SLC34A1: variants seen among roughly 807,000 people sequenced by gnomAD.
SLC34A1 encodes sodium-dependent phosphate transport protein 2A.
A neutral mutation model predicts 51.4 loss-of-function variants in SLC34A1; 57 were observed. The ratio of observed to expected loss-of-function variants is 1.11; its 90% confidence interval spans 0.90 to 1.38. The LOEUF (loss-of-function observed/expected upper bound fraction) is 1.38. Ranked by LOEUF, SLC34A1 falls within the 40% of genes most tolerant of loss-of-function variation. The pLI is 0.00. For missense variants in SLC34A1, 796 were observed against 835.6 expected (o/e 0.95, Z 0.58); for synonymous variants, 368 against 358.0 (o/e 1.03, Z -0.32).
rs1231779843 is a variant in SLC34A1 at position 177,386,178 on chromosome 5, G to A, written c.259+42G>A. On this transcript the variant is annotated intron_variant, in intron 3 of 12. Coordinates refer to ENST00000324417, the MANE Select transcript of SLC34A1 (RefSeq NM_003052.5). The surrounding 1 kb of genome is among the most constrained non-coding windows in gnomAD (Gnocchi z 4.8). ...GGTGGCAGAGGCGGCAGCAGTCCCT[G>A]CCCTGGCCTCTGCCCACTATGCTCA... 6.2e-7 allele frequency: 1 copy of A among 1,613,952 alleles called. No homozygotes were observed. The highest frequency in any genetic ancestry group is 8.5e-7 in the Non-Finnish European group (1 of 1,180,002).
Position 177,393,899 on chromosome 5 carries a change from G to A in SLC34A1, c.1007-129G>A. On this transcript the variant is annotated intron_variant, in intron 9 of 12. Coordinates refer to ENST00000324417, the MANE Select transcript of SLC34A1 (RefSeq NM_003052.5). ...CAACTAGCCCAGCTCCTGAGCCTGGGTCAAGCTCCGGTGTTGAGGCTCAAG... is the reference window on the plus strand; with the variant it reads ...CAACTAGCCCAGCTCCTGAGCCTGGATCAAGCTCCGGTGTTGAGGCTCAAG... 4 of 1,488,890 alleles carry A rather than the reference G, an allele frequency of 2.7e-6. No homozygotes were observed. In the South Asian group the frequency reaches 3.4e-5, roughly 13 times the overall value. 92.2% of individuals were successfully genotyped at this position (1,488,890 alleles called of 1,614,324 possible).
At chr5:177,389,781 C>G in intron 8 of SLC34A1, 1 of 1,536,292 alleles carries the variant, frequency 6.5e-7, no homozygotes, top group Non-Finnish European at 8.7e-7. Context: ...GCAGCCTCCA[C>G]GTCCTCACTT....
rs1253513636 is a variant in SLC34A1 at position 177,386,874 on chromosome 5, C to T, written c.532+308C>T. On this transcript the variant is annotated intron_variant, in intron 5 of 12. Coordinates refer to ENST00000324417, the MANE Select transcript of SLC34A1 (RefSeq NM_003052.5). This position sits in a 1 kb window ranked among gnomAD's most constrained non-coding sequence, Gnocchi z 4.8. ...CAGTCCAGACAGGGCAGCGTTTCTC[C>T]TTTCTCAGGGAAGCCTCAGTTCTGC... 6.6e-6 allele frequency among the ~76,000 whole-genome samples: 1 copy of T among 152,076 alleles called. No individual in the cohort carries two copies. Among genetic ancestry groups the T allele is most frequent in the Non-Finnish European group, 1.5e-5 (1 of 68,022 alleles).
Position 177,396,542 on chromosome 5 carries a change from GCTCTCCCAGTGCCCCCGCGGAGGTCCT to G in SLC34A1, c.1175-141_1175-115del, listed in dbSNP as rs1561634668. 5.9e-3 allele frequency among the ~76,000 whole-genome samples: 591 copies of G among 100,818 alleles called. 14 individuals carry two copies. The highest frequency in any genetic ancestry group is 0.019 in the African/African-American group (494 of 25,382). 66.1% of individuals were successfully genotyped at this position (100,818 alleles called of 152,430 possible). On this transcript the variant is annotated intron_variant, in intron 10 of 12. Transcript: ENST00000324417. The surrounding 1 kb of genome is among the most constrained non-coding windows in gnomAD (Gnocchi z 4.0). ...TCTCCCAGTGCCCCCGCGGAGGTCC[GCTCTCCCAGTGCCCCCGCGGAGGTCCT>G]CTCTCCCAGTGCCCCCGCGGAGGTC...
intron 12 of SLC34A1, chr5:177,397,313 C>CACTGCAA (rs1763003423): frequency 1.8e-6 from 1 of 562,060 alleles, no homozygotes; most frequent in Non-Finnish European, 3.2e-6. Flanking sequence ...GGATTTGCAC[C>CACTGCAA]ATAAGGAAGA....
At position 177,397,806 on chromosome 5, in the gene SLC34A1, C is replaced by G; in HGVS notation, c.1440C>G (p.Phe480Leu). 1 of 1,611,884 alleles carries G rather than the reference C, an allele frequency of 6.2e-7. No homozygotes were observed. Among genetic ancestry groups the G allele is most frequent in the Non-Finnish European group, 8.5e-7 (1 of 1,179,994 alleles). The change falls in exon 13 of 13, where the codon TTC (phenylalanine) becomes TTG (leucine). Residue 480 changes from phenylalanine (F) to leucine (L), a missense_variant. Phe to Leu is a conservative substitution (Grantham distance 22). Transcript: ENST00000324417. ...AGATTGCCCTCTGTCACTTCTTCTT[C>G]AACATCTCGGGTATCCTTCTGTGGT... ...AFQIALCHFF[F>L]NISGILLWYP...
In SLC34A1 at chr5:177,386,199, G is replaced by C; in HGVS notation, c.260-22G>C. 1 of 1,614,118 alleles carries C rather than the reference G, an allele frequency of 6.2e-7. No homozygotes were observed. Among genetic ancestry groups the C allele is most frequent in the Non-Finnish European group, 8.5e-7 (1 of 1,180,026 alleles). Reference sequence around the variant, plus strand: ...CCCTGCCCTGGCCTCTGCCCACTATGCTCATGGCTTCCCCCATCCAGAGTC... The same window carrying C: ...CCCTGCCCTGGCCTCTGCCCACTATCCTCATGGCTTCCCCCATCCAGAGTC... On this transcript the variant is annotated intron_variant, in intron 3 of 12. Transcript: ENST00000324417. This position sits in a 1 kb window ranked among gnomAD's most constrained non-coding sequence, Gnocchi z 4.8.
In SLC34A1 at chr5:177,390,245, C is replaced by T. The variant is rs371939742; in HGVS notation, c.936+1873C>T. 1.5e-5 allele frequency: 15 copies of T among 991,112 alleles called. No individual in the cohort carries two copies. The East Asian group carries it at 1.0e-3, about 66-fold the overall frequency. 61.4% of individuals were successfully genotyped at this position (991,112 alleles called of 1,614,324 possible). The stretch of plus-strand genomic sequence containing the variant: ...TCCAAGGCCTACCAGATGGGGAAAG[C>T]AGCAGCAGCGGCAGTTGAGTGATCA... On this transcript the variant is annotated intron_variant, in intron 8 of 12. Coordinates refer to ENST00000324417, the MANE Select transcript of SLC34A1 (RefSeq NM_003052.5).
At chr5:177,397,687 A>T in intron 12 of SLC34A1, 96 bp from the exon 13 acceptor site, 1 of 1,539,938 alleles carries the variant, frequency 6.5e-7, no homozygotes, top group South Asian at 1.1e-5. Flanking sequence ...CCTGCTGCCC[A>T]GACCAGATCG....
rs201526364 is a variant in SLC34A1, at chr5:177,388,163, G to A, written c.814G>A (p.Glu272Lys). ...TCCTGACCTGCTCAAGATCATCACAGAGCCCTTCACGAAGCTCATCATCCA... is the reference window on the plus strand; with the variant it reads ...TCCTGACCTGCTCAAGATCATCACAAAGCCCTTCACGAAGCTCATCATCCA... ...DAPDLLKIIT[E>K]PFTKLIIQLD... is the part of the protein sequence containing the mutation. The change falls in exon 7 of 13, where the codon GAG (glutamate) becomes AAG (lysine). Residue 272 changes from glutamate to lysine, a missense_variant. By Grantham distance (56) the Glu-to-Lys change is moderately conservative. Coordinates refer to ENST00000324417, the MANE Select transcript of SLC34A1 (RefSeq NM_003052.5). This position sits in a 1 kb window ranked among gnomAD's most constrained non-coding sequence, Gnocchi z 4.3. 1.2e-5 allele frequency: 20 copies of A among 1,614,042 alleles called. No homozygotes were observed. The highest frequency in any genetic ancestry group is 1.7e-5 in the Admixed American group (1 of 59,998).
intron 8 of SLC34A1, among the ~76,000 whole-genome samples, chr5:177,392,673 G>A (rs1011933545): frequency 2.0e-5 from 3 of 152,198 alleles, no homozygotes; most frequent in African/African-American, 7.2e-5. Flanking sequence ...ACTCAAGCTG[G>A]AGTGCAGGGG....
Position 177,397,055 on chromosome 5 carries a change from A to G in SLC34A1, c.1397A>G (p.Lys466Arg), listed in dbSNP as rs1398447031. 6.2e-7 allele frequency: 1 copy of G among 1,613,602 alleles called. No individual in the cohort carries two copies. Among genetic ancestry groups the G allele is most frequent in the East Asian group, 2.2e-5 (1 of 44,876 alleles). ...GCTGCCCTGGCCAGCCCCAGGGAGA[A>G]GCTGTCCAGCGCTTTCCAGGTGCGC... ...ILAALASPRE[K>R]LSSAFQIALC... Residue 466 changes from lysine (K) to arginine (R), a missense_variant, in exon 12 of 13, where the codon AAG becomes AGG. Transcript: ENST00000324417.
rs888356153 is a variant in SLC34A1 at position 177,396,115 on chromosome 5, G to T, written c.1175-618G>T. Among the ~76,000 whole-genome samples, 16 of 152,152 alleles carry T rather than the reference G, an allele frequency of 1.1e-4. No individual in the cohort carries two copies. The highest frequency in any genetic ancestry group is 3.9e-4 in the African/African-American group (16 of 41,412). On this transcript the variant is annotated intron_variant, in intron 10 of 12. Coordinates refer to ENST00000324417, the MANE Select transcript of SLC34A1 (RefSeq NM_003052.5). The surrounding 1 kb of genome is among the most constrained non-coding windows in gnomAD (Gnocchi z 4.0). The stretch of plus-strand genomic sequence containing the variant: ...TTTTAAACTTCATGCACTGGGAGGG[G>T]CTGCATGACAAGTACTAGAATAAGG...
rs1360829871 is a variant in SLC34A1 at position 177,388,120 on chromosome 5, C to T, written c.771C>T (p.Ile257=). The change falls in exon 7 of 13, where the codon ATC becomes ATT. Residue 257 remains isoleucine (I), a synonymous_variant. Transcript: ENST00000324417. The surrounding 1 kb of genome is among the most constrained non-coding windows in gnomAD (Gnocchi z 4.3). ...GACTTGTGGTGGCCTCCTTCAACAT[C>T]CATGGTGGCCGTGATGCTCCTGACC... is the stretch of plus-strand genomic sequence containing the variant. The part of the protein sequence containing the change: ...ITRLVVASFN[I]HGGRDAPDLL... The T allele has an allele frequency of 2.5e-6, 4 of 1,614,168 alleles. No individual in the cohort carries two copies. The highest frequency in any genetic ancestry group is 1.6e-4 in the Middle Eastern group (1 of 6,062).
At chr5:177,394,558 A>T (rs1762900963) in intron 10 of SLC34A1, among the ~76,000 whole-genome samples, 1 of 152,214 alleles carries the variant, frequency 6.6e-6, no homozygotes, top group South Asian at 2.1e-4. Flanking sequence ...GGGGGAGGAA[A>T]GCAATGAAAA....
In SLC34A1 at chr5:177,394,847, C is replaced by T. The variant is rs563883747; in HGVS notation, c.1174+652C>T. On this transcript the variant is annotated intron_variant, in intron 10 of 12. Coordinates refer to ENST00000324417, the MANE Select transcript of SLC34A1 (RefSeq NM_003052.5). ...TAGCTAGGATTACAGGTGCCGGCCACAACACCCGGCTAATTTTTTGTATTT... is the reference window on the plus strand; with the variant it reads ...TAGCTAGGATTACAGGTGCCGGCCATAACACCCGGCTAATTTTTTGTATTT... Among the ~76,000 whole-genome samples the T allele has an allele frequency of 9.9e-5, 15 of 152,064 alleles. No individual in the cohort carries two copies. In the South Asian group the frequency reaches 1.9e-3, roughly 19 times the overall value.
At chr5:177,394,686 GTCT>G (rs777163037) in intron 10 of SLC34A1, among the ~76,000 whole-genome samples, 1 of 124,184 alleles carries the variant, frequency 8.1e-6, no homozygotes, top group Non-Finnish European at 1.7e-5. Flanking sequence ...GTGAGACTTT[GTCT>G]TTTTTTTTTT....
At chr5:177,387,633 G>C in intron 5 of SLC34A1, 129 bp from the exon 6 acceptor site, 1 of 801,212 alleles carries the variant, frequency 1.2e-6, no homozygotes. Flanking sequence ...GCCAACGTTA[G>C]GCAGACTCAG....
At chr5:177,391,674 C>A (rs1450413244) in intron 8 of SLC34A1, among the ~76,000 whole-genome samples, 1 of 152,236 alleles carries the variant, frequency 6.6e-6, no homozygotes, top group Non-Finnish European at 1.5e-5. Context: ...GTCACACACA[C>A]AGCCTCCCAA....
Sources: gnomAD v4.1 joint callset for allele counts (sites outside exome capture counted in the v4.1 genomes callset) on GRCh38, gnomAD v4.1.1 for gene constraint, Gnocchi (gnomAD v3.1) non-coding constraint, MANE v1.5 for transcripts, NCBI Gene and HGNC (gene_info 2026-07-23, HGNC 2026-07-21) for gene names.